SDC1: variants seen among roughly 807,000 people sequenced by gnomAD.
SDC1 encodes the protein syndecan-1.
Under a neutral mutation model 29.7 loss-of-function variants are expected in SDC1, and 14 were observed. That is an observed-to-expected ratio of 0.47 (90% CI 0.31 to 0.74). SDC1 has a LOEUF of 0.74. Among genes scored for constraint, SDC1 ranks in the 30% least tolerant of loss-of-function variants. The probability of loss-of-function intolerance (pLI) is 0.05; values close to 1 mark genes in which losing one functional copy is unlikely to be tolerated. For missense variants in SDC1, 406 were observed against 400.3 expected (o/e 1.01, Z -0.12); for synonymous variants, 204 against 175.5 (o/e 1.16, Z -1.29).
chr2:20,212,842 T>C (rs1677512946), intron 1 of SDC1, among the ~76,000 whole-genome samples: 1 of 151,882 alleles, frequency 6.6e-6, no homozygotes, highest in Admixed American at 6.6e-5. Context: ...CCCTGCCACT[T>C]GGAGACGGAC....
At chr2:20,208,736 C>T (rs1334126898) in intron 1 of SDC1, among the ~76,000 whole-genome samples, 2 of 152,196 alleles carry the variant, frequency 1.3e-5, no homozygotes, top group Non-Finnish European at 2.9e-5. Context: ...TGCCTGGCCA[C>T]GGCTCAAGGC....
chr2:20,204,059 C>T lies in SDC1; in HGVS notation c.381G>A (p.Glu127=). The T allele has an allele frequency of 1.2e-6, 2 of 1,611,692 alleles. No individual in the cohort carries two copies. The highest frequency in any genetic ancestry group is 2.2e-5 in the South Asian group (2 of 91,048). Residue 127 remains glutamate, a synonymous_variant, in exon 3 of 5, where the codon GAG becomes GAA. Transcript: ENST00000254351. ...REQEATPRPR[E]TTQLPTTHLA... ...GATGAGTGGTCGGGAGCTGTGTGGT[C>T]TCCCTGGGTCGGGGGGTGGCCTCCT...
In SDC1 at chr2:20,224,079, GC is replaced by G; in HGVS notation, c.66+722del. On this transcript the variant is annotated intron_variant, in intron 1 of 4. Transcript: ENST00000254351. This position sits in a 1 kb window ranked among gnomAD's most constrained non-coding sequence, Gnocchi z 4.9. ...TCGGCCGTGCCCGGCACGGGAACGC[GC>G]CCTCCGGGGCCAGCTCAACTTCAGC... 1 of 326,854 alleles carries G rather than the reference GC, an allele frequency of 3.1e-6. No individual in the cohort carries two copies. Among genetic ancestry groups the G allele is most frequent in the Admixed American group, 3.6e-5 (1 of 27,566 alleles). 20.2% of individuals were successfully genotyped at this position (326,854 alleles called of 1,614,324 possible).
intron 1 of SDC1, chr2:20,207,505 A>G (rs1230290108): frequency 2.0e-6 from 1 of 489,788 alleles, no homozygotes; most frequent in African/African-American, 2.1e-5. Flanking sequence ...GGAGTTCCAG[A>G]CCAGCCTGGC....
rs1036047348 is a variant in SDC1, at chr2:20,224,903, CG to C, written c.-37del. Reference sequence around the variant, plus strand: ...CCGGCGGCGGGAGAGCGGCAGGCTGCGCGGGTCGCGGCTGCGGGCCGGCTTC... The same window carrying C: ...CCGGCGGCGGGAGAGCGGCAGGCTGCCGGGTCGCGGCTGCGGGCCGGCTTC... On this transcript the variant is annotated 5_prime_UTR_variant, in exon 1 of 5. Coordinates refer to ENST00000254351, the MANE Select transcript of SDC1 (RefSeq NM_002997.5). This position sits in a 1 kb window ranked among gnomAD's most constrained non-coding sequence, Gnocchi z 4.9. The C allele has an allele frequency of 2.3e-5, 28 of 1,208,308 alleles. No individual in the cohort carries two copies. Among genetic ancestry groups the C allele is most frequent in the Non-Finnish European group, 2.9e-5 (28 of 973,596 alleles). The allele number at this position is 1,208,308 out of a possible 1,614,324, so 74.8% of individuals were successfully genotyped here.
At position 20,208,049 on chromosome 2, in the gene SDC1, C is replaced by T. The variant is rs1431690424; in HGVS notation, c.67-2625G>A. 12 of 985,324 alleles carry T rather than the reference C, an allele frequency of 1.2e-5. No homozygotes were observed. The South Asian group carries it at 1.4e-4, about 12-fold the overall frequency. 61.0% of individuals were successfully genotyped at this position (985,324 alleles called of 1,614,324 possible). A position where few individuals can be genotyped will look rare whatever the true frequency, so the allele number is the denominator to read the frequency against. ...GCAAGGCACTGGCACTTCGACCCCA[C>T]GAGCCTCTGCTGCATTGTAGAGTGC... On this transcript the variant is annotated intron_variant, in intron 1 of 4. Coordinates refer to ENST00000254351, the MANE Select transcript of SDC1 (RefSeq NM_002997.5).
At position 20,202,833 on chromosome 2, in the gene SDC1, T is replaced by C. The variant is rs755403550; in HGVS notation, c.866A>G (p.Glu289Gly). The C allele has an allele frequency of 1.2e-6, 2 of 1,613,830 alleles. No individual in the cohort carries two copies. Among genetic ancestry groups the C allele is most frequent in the Non-Finnish European group, 1.7e-6 (2 of 1,179,912 alleles). The change falls in exon 5 of 5, where the codon GAG (glutamate) becomes GGG (glycine). Residue 289 changes from glutamate to glycine, a missense_variant. By Grantham distance (98) the Glu-to-Gly change is moderately conservative. Transcript: ENST00000254351. ...KKKDEGSYSLEEPKQANGGAY... is the reference protein window; with the variant it reads ...KKKDEGSYSLGEPKQANGGAY... ...CCCGCCGTTGGCTTGTTTCGGCTCC[T>C]CCAAGGAGTAGCTGCCTTCGTCCTT...
At chr2:20,217,419 A>C (rs1280900825) in intron 1 of SDC1, among the ~76,000 whole-genome samples, 1 of 152,216 alleles carries the variant, frequency 6.6e-6, no homozygotes, top group African/African-American at 2.4e-5. Flanking sequence ...AACTTGAGGC[A>C]GCAGAGCACA....
Position 20,203,927 on chromosome 2 carries a change from G to T in SDC1, c.513C>A (p.Ser171Arg), listed in dbSNP as rs746333668. ...TGTGGGGAGTGTGAAGGTCAGCTTG[G>T]CTGGGTCCTGCAGGGGTTGAGGTCT... ...HHETSTPAGPSQADLHTPHTE... is the reference protein window; with the variant it reads ...HHETSTPAGPRQADLHTPHTE... Residue 171 changes from serine (S) to arginine (R), a missense_variant, in exon 3 of 5, where the codon AGC becomes AGA. Ser to Arg is a moderately radical substitution (Grantham distance 110, BLOSUM62 -1). Transcript: ENST00000254351. 1 of 1,614,026 alleles carries T rather than the reference G, an allele frequency of 6.2e-7. No individual in the cohort carries two copies. The highest frequency in any genetic ancestry group is 1.1e-5 in the South Asian group (1 of 91,080).
At chr2:20,209,565 C>A (rs1003173970) in intron 1 of SDC1, among the ~76,000 whole-genome samples, 5 of 152,242 alleles carry the variant, frequency 3.3e-5, no homozygotes, top group Non-Finnish European at 7.3e-5. Context: ...CAGAACGGGA[C>A]CTGTGCCACC....
chr2:20,209,832 G>C (rs72783297), intron 1 of SDC1, among the ~76,000 whole-genome samples: 8,578 of 152,346 alleles, frequency 0.056, 273 homozygotes, highest in Non-Finnish European at 0.068. Flanking sequence ...AAGTGCCTTG[G>C]CTGCCTCAGA....
At chr2:20,217,984 C>G (rs955963968) in intron 1 of SDC1, among the ~76,000 whole-genome samples, 13 of 152,240 alleles carry the variant, frequency 8.5e-5, no homozygotes, top group Non-Finnish European at 1.6e-4. Flanking sequence ...CTCCACTGGC[C>G]TTGCCCATCC....
rs1420815167 is a variant in SDC1, at chr2:20,204,030, G to A, written c.410C>T (p.Ala137Val). 3.1e-6 allele frequency: 5 copies of A among 1,612,916 alleles called. No individual in the cohort carries two copies. The East Asian group carries it at 8.9e-5, about 29-fold the overall frequency. Residue 137 changes from alanine to valine, a missense_variant, in exon 3 of 5, where the codon GCC (alanine) becomes GTC (valine). Ala to Val is a moderately conservative substitution (Grantham distance 64). Transcript: ENST00000254351. ...ETTQLPTTHL[A>V]STTTATTAQE... ...GGCCGTGGTGGCTGTGGTCGTTGAG[G>A]CCAGATGAGTGGTCGGGAGCTGTGT...
intron 1 of SDC1, 115 bp from the exon 2 acceptor site, chr2:20,205,539 C>A: frequency 1.3e-6 from 1 of 793,050 alleles, no homozygotes; most frequent in Non-Finnish European, 2.1e-6. Context: ...CACAGGTACA[C>A]AGGGAGAAGC....
chr2:20,204,329 G>A (rs1677174338), intron 2 of SDC1, 38 bp from the exon 3 acceptor site: 1 of 1,439,642 alleles, frequency 6.9e-7, no homozygotes. Flanking sequence ...GGGAGGTGGG[G>A]GGTGGGGAGG....
At chr2:20,206,479 G>C (rs1677276299) in intron 1 of SDC1, among the ~76,000 whole-genome samples, 1 of 152,120 alleles carries the variant, frequency 6.6e-6, no homozygotes, top group Non-Finnish European at 1.5e-5. Context: ...CCTTCACACT[G>C]GCCCCAAGAC....
At chr2:20,205,539 C>G (rs1039661464) in intron 1 of SDC1, 115 bp from the exon 2 acceptor site, 1 of 793,050 alleles carries the variant, frequency 1.3e-6, no homozygotes, top group Non-Finnish European at 2.1e-6. Flanking sequence ...CACAGGTACA[C>G]AGGGAGAAGC....
chr2:20,221,063 A>G lies in SDC1; in HGVS notation c.66+3739T>C, dbSNP rs567422124. 1.1e-3 allele frequency among the ~76,000 whole-genome samples: 171 copies of G among 152,244 alleles called. 1 individual carries two copies. Among genetic ancestry groups the G allele is most frequent in the African/African-American group, 4.0e-3 (168 of 41,556 alleles). ...TTTTTCTCCACTGAGAGAGGCCCCT[A>G]AAGGCCTCACCTTGGCAGCACCTCT... is the stretch of plus-strand genomic sequence containing the variant. On this transcript the variant is annotated intron_variant, in intron 1 of 4. Transcript: ENST00000254351.
At position 20,202,530 on chromosome 2, in the gene SDC1, G is replaced by C. The variant is rs201703085; in HGVS notation, c.*236C>G. On this transcript the variant is annotated 3_prime_UTR_variant, in exon 5 of 5. Transcript: ENST00000254351. ...TGGTGCGATGCCAGGTGCTGGCTGT[G>C]GTGGAAAGGTCCTATGCGAGAAACC... 6.8e-6 allele frequency: 4 copies of C among 590,464 alleles called. No individual in the cohort carries two copies. The East Asian group carries it at 1.1e-4, about 17-fold the overall frequency. The allele number at this position is 590,464 out of a possible 1,614,324, so 36.6% of individuals were successfully genotyped here.
Sources: allele counts gnomAD v4.1 joint callset (sites outside exome capture counted in the v4.1 genomes callset), GRCh38; gene constraint gnomAD v4.1.1; non-coding constraint Gnocchi (gnomAD v3.1); transcripts MANE v1.5; gene names NCBI Gene and HGNC (gene_info 2026-07-23, HGNC 2026-07-21).